C11orf65: variants seen among roughly 807,000 people sequenced by gnomAD.
The protein encoded by C11orf65 is chromosome 11 open reading frame 65.
In C11orf65, 38 loss-of-function variants were observed where a neutral mutation model predicts 35.3. The ratio of observed to expected loss-of-function variants is 1.08; its 90% CI spans 0.83 to 1.41. C11orf65 has a LOEUF of 1.41. Ranked by LOEUF, C11orf65 falls within the 40% of genes most tolerant of loss-of-function variation. C11orf65 has a pLI of 0.00. For missense variants in C11orf65, 370 were observed against 367.1 expected, an observed-to-expected ratio of 1.01 and a Z score of -0.06; for synonymous variants, 105 against 114.4, an observed-to-expected ratio of 0.92 and a Z score of 0.53.
chr11:108,447,875 G>T lies in C11orf65; in HGVS notation c.81+13604C>A, dbSNP rs546636779. Among the ~76,000 whole-genome samples the T allele has an allele frequency of 2.0e-5, 3 of 152,154 alleles. No individual in the cohort carries two copies. The East Asian group carries it at 5.8e-4, about 29-fold the overall frequency. On this transcript the variant is annotated intron_variant, in intron 2 of 8. Coordinates refer to ENST00000393084, the MANE Select transcript of C11orf65 (RefSeq NM_152587.5). ...GTTTTTTGAAAAGATCAACAAAATTGATAGACTGCTAGCAAGACTAATAAA... is the reference window on the plus strand; with the variant it reads ...GTTTTTTGAAAAGATCAACAAAATTTATAGACTGCTAGCAAGACTAATAAA...
rs170548 is a variant in C11orf65 at position 108,364,109 on chromosome 11, A to C, written c.227-28817T>G. 0.28 allele frequency among the ~76,000 whole-genome samples: 42,860 copies of C among 151,964 alleles called. 7,235 individuals are homozygous for C. Among genetic ancestry groups the C allele is most frequent in the Middle Eastern group, 0.54 (159 of 294 alleles). On this transcript the variant is annotated intron_variant, in intron 2 of 3. Coordinates refer to the C11orf65 transcript ENST00000524755. ...CTCAAAACAGCATTAAAAAATAGAG[A>C]GATTTTGGTTCTGCTAATCTAGTAC...
intron 3 of C11orf65, among the ~76,000 whole-genome samples, chr11:108,411,979 T>C (rs982783960): frequency 6.6e-6 from 1 of 152,096 alleles, no homozygotes; most frequent in Non-Finnish European, 1.5e-5. Context: ...TTTCACCACG[T>C]TGGCCAAGCT....
chr11:108,427,663 A>G (rs1267316118), intron 3 of C11orf65, among the ~76,000 whole-genome samples: 1 of 110,700 alleles, frequency 9.0e-6, no homozygotes, highest in African/African-American at 3.5e-5. Context: ...CGGAGCTTGC[A>G]GTGAGTTGAG....
rs573121478 is a variant in C11orf65 at position 108,444,821 on chromosome 11, C to T, written c.82-12983G>A. Among the ~76,000 whole-genome samples the T allele has an allele frequency of 1.2e-4, 18 of 152,276 alleles. 1 individual carries two copies. The South Asian group carries it at 3.7e-3, about 32-fold the overall frequency. ...AGGGCAAGGCATTGCCTCACTCCGG[C>T]AGCGCAAGGGGTCAGGGAGTTCCCT... On this transcript the variant is annotated intron_variant, in intron 2 of 8. Transcript: ENST00000393084.
At chr11:108,333,660 AC>A (rs2086519745) in intron 3 of C11orf65, among the ~76,000 whole-genome samples, 1 of 152,172 alleles carries the variant, frequency 6.6e-6, no homozygotes, top group African/African-American at 2.4e-5. Context: ...TGGTCTAGTT[AC>A]CCTTGTCAGG....
intron 2 of C11orf65, among the ~76,000 whole-genome samples, chr11:108,362,692 C>T (rs977774184): frequency 6.8e-6 from 1 of 146,386 alleles, no homozygotes; most frequent in Admixed American, 6.8e-5. Flanking sequence ...AGTAAACTAT[C>T]GCAAGAACAA....
chr11:108,452,466 G>T (rs2093361162), intron 2 of C11orf65, among the ~76,000 whole-genome samples: 2 of 152,176 alleles, frequency 1.3e-5, no homozygotes, highest in African/African-American at 4.8e-5. Context: ...TCTCACACCA[G>T]TAAGAATGGG....
chr11:108,332,894 C>T lies in C11orf65; in HGVS notation c.300-1327G>A, dbSNP rs769523686. 3 of 1,612,120 alleles carry T rather than the reference C, an allele frequency of 1.9e-6. No homozygotes were observed. Among genetic ancestry groups the T allele is most frequent in the Non-Finnish European group, 1.7e-6 (2 of 1,179,556 alleles). On this transcript the variant is annotated intron_variant, in intron 3 of 3. Transcript: ENST00000524755. ...CTTAGATGCCACTCAGTGGAAGACT[C>T]AGAGAAGTATGTTTTTTTTAAAGAA...
rs567866889 is a variant in C11orf65, at chr11:108,385,701, T to C, written c.787+219A>G. On this transcript the variant is annotated intron_variant, in intron 8 of 8. Transcript: ENST00000393084. Reference sequence around the variant, plus strand: ...CGTCTCAAAAAAAAAAAAAGATTCATATTTTTAAAATCACTTTATTCAAAC... The same window carrying C: ...CGTCTCAAAAAAAAAAAAAGATTCACATTTTTAAAATCACTTTATTCAAAC... Among the ~76,000 whole-genome samples, 228 of 152,032 alleles carry C rather than the reference T, an allele frequency of 1.5e-3. 1 individual carries two copies. Among genetic ancestry groups the C allele is most frequent in the African/African-American group, 5.4e-3 (223 of 41,508 alleles).
At chr11:108,367,278 C>T (rs183326487) in intron 2 of C11orf65, 27 of 180,848 alleles carry the variant, frequency 1.5e-4, no homozygotes, top group East Asian at 3.6e-4. Flanking sequence ...TGAGCCACCG[C>T]GCCCGGCCTC....
intron 2 of C11orf65, among the ~76,000 whole-genome samples, chr11:108,341,829 A>G (rs536768953): frequency 2.0e-5 from 3 of 152,248 alleles, no homozygotes; most frequent in Non-Finnish European, 2.9e-5. Context: ...AAGCCTGACA[A>G]TATTAAGTAT....
At chr11:108,353,655 A>G in intron 2 of C11orf65, 1 of 857,890 alleles carries the variant, frequency 1.2e-6, no homozygotes, top group Non-Finnish European at 2.0e-6. Context: ...ACTAGTGTTC[A>G]TAGAACGTAG....
intron 7 of C11orf65, among the ~76,000 whole-genome samples, chr11:108,391,755 C>T (rs58071420): frequency 0.052 from 7,885 of 151,112 alleles, 675 homozygotes; most frequent in African/African-American, 0.18. Flanking sequence ...CCCCTCCCCC[C>T]AGTTAATTCT....
At chr11:108,427,457 C>T (rs1391289870) in intron 3 of C11orf65, among the ~76,000 whole-genome samples, 1 of 151,308 alleles carries the variant, frequency 6.6e-6, no homozygotes, top group Non-Finnish European at 1.5e-5. Context: ...CGCGGGCTGA[C>T]GCCTGTAATC....
intron 1 of C11orf65, among the ~76,000 whole-genome samples, chr11:108,463,804 G>A (rs1447153327): frequency 6.6e-6 from 1 of 151,934 alleles, no homozygotes; most frequent in African/African-American, 2.4e-5. Context: ...CTATTCATGT[G>A]CATTATTCCA....
chr11:108,421,395 C>T (rs2092814402), intron 3 of C11orf65, among the ~76,000 whole-genome samples: 1 of 152,158 alleles, frequency 6.6e-6, no homozygotes, highest in Non-Finnish European at 1.5e-5. Flanking sequence ...ATAGCTCACG[C>T]CTATAATCCC....
intron 2 of C11orf65, among the ~76,000 whole-genome samples, chr11:108,439,523 A>C (rs994705884): frequency 6.6e-6 from 1 of 152,232 alleles, no homozygotes; most frequent in Non-Finnish European, 1.5e-5. Flanking sequence ...TTTTTACATC[A>C]ATTTATTAGC....
chr11:108,316,402 C>T (rs990011732), intron 6 of C11orf65, among the ~76,000 whole-genome samples: 27 of 152,040 alleles, frequency 1.8e-4, no homozygotes, highest in Non-Finnish European at 2.5e-4. Context: ...AGACATTGCT[C>T]GAGCATATAC....
chr11:108,456,613 C>A lies in C11orf65; in HGVS notation c.81+4866G>T, dbSNP rs11212652. Among the ~76,000 whole-genome samples the A allele has an allele frequency of 6.0e-3, 917 of 151,910 alleles. 6 individuals are homozygous for A. The highest frequency in any genetic ancestry group is 0.011 in the East Asian group (55 of 5,154). On this transcript the variant is annotated intron_variant, in intron 2 of 8. Transcript: ENST00000393084. ...CCTTGGCAACATACCTAGACCCTGT[C>A]TCTACAAAAAATTAAAAAATTAGCC...
Sources: allele counts gnomAD v4.1 joint callset (sites outside exome capture counted in the v4.1 genomes callset), GRCh38; gene constraint gnomAD v4.1.1; transcripts MANE v1.5; gene names NCBI Gene and HGNC (gene_info 2026-07-23, HGNC 2026-07-21).